Variants in AIG1 observed in about 807,000 individuals in gnomAD.
AIG1 encodes androgen induced 1, also known as androgen-induced gene 1 protein.
In AIG1, 23 loss-of-function variants were observed where a neutral mutation model predicts 31.4. That is an observed-to-expected ratio of 0.73 (90% CI 0.53 to 1.04). The LOEUF (loss-of-function observed/expected upper bound fraction) is 1.04. Among genes scored for constraint, AIG1 ranks in the 50% least tolerant of loss-of-function variants. The pLI, the probability that AIG1 is intolerant of heterozygous loss-of-function variation, is 0.00. For synonymous variants in AIG1, 100 were observed against 110.5 expected (o/e 0.90, Z 0.60); for missense variants, 274 against 295.0 (o/e 0.93, Z 0.52).
At position 143,268,556 on chromosome 6, in the gene AIG1, TA is replaced by T. The variant is rs1360221021; in HGVS notation, c.400-15553del. ...CAGGGGCTGACTATAGCACCAAAAT[TA>T]GGTGGTGGTAAGGAATTTAATCATG... On this transcript the variant is annotated intron_variant, in intron 3 of 5. Transcript: ENST00000357847. This position sits in a 1 kb window ranked among gnomAD's most constrained non-coding sequence, Gnocchi z 5.0. Among the ~76,000 whole-genome samples the T allele has an allele frequency of 1.3e-5, 2 of 152,172 alleles. No individual in the cohort carries two copies. Among genetic ancestry groups the T allele is most frequent in the African/African-American group, 2.4e-5 (1 of 41,430 alleles).
At chr6:143,108,281 T>G (rs567429844) in intron 1 of AIG1, among the ~76,000 whole-genome samples, 1 of 152,306 alleles carries the variant, frequency 6.6e-6, no homozygotes, top group Admixed American at 6.5e-5. Context: ...AGAAAATTTT[T>G]CTTTAAGATT....
chr6:143,296,911 A>G (rs1460269886), intron 4 of AIG1, among the ~76,000 whole-genome samples: 1 of 152,166 alleles, frequency 6.6e-6, no homozygotes, highest in African/African-American at 2.4e-5. Flanking sequence ...ACTGGTGACA[A>G]AGTTCATTAA....
At chr6:143,339,328 A>G in intron 5 of AIG1, 1 of 200,776 alleles carries the variant, frequency 5.0e-6, no homozygotes, top group Non-Finnish European at 1.0e-5. Flanking sequence ...ATTTCCATGC[A>G]AACTCAGCAA....
At chr6:143,295,063 G>A (rs894182412) in intron 4 of AIG1, among the ~76,000 whole-genome samples, 4 of 152,074 alleles carry the variant, frequency 2.6e-5, no homozygotes, top group African/African-American at 4.8e-5. Context: ...CCAGATGTCT[G>A]CATCCCACCC....
At chr6:143,151,773 CA>C (rs1275900929) in intron 2 of AIG1, among the ~76,000 whole-genome samples, 1 of 152,096 alleles carries the variant, frequency 6.6e-6, no homozygotes, top group Non-Finnish European at 1.5e-5. Context: ...TCAGATTGTC[CA>C]CACTCTCCCT....
chr6:143,327,532 T>C lies in AIG1; in HGVS notation c.516-5750T>C, dbSNP rs1028213841. The C allele has an allele frequency of 2.6e-6, 1 of 384,090 alleles. No individual in the cohort carries two copies. Among genetic ancestry groups the C allele is most frequent in the African/African-American group, 2.1e-5 (1 of 46,660 alleles). The allele number at this position is 384,090 out of a possible 1,614,324, so 23.8% of individuals were successfully genotyped here. On this transcript the variant is annotated intron_variant, in intron 4 of 5. Coordinates refer to ENST00000357847, the MANE Select transcript of AIG1 (RefSeq NM_016108.4). This position sits in a 1 kb window ranked among gnomAD's most constrained non-coding sequence, Gnocchi z 5.3. ...TAAGGAATGTCCCATACTGTAACCA[T>C]GTGTGGTTGTCCAGAAAATATTCTG...
intron 3 of AIG1, chr6:143,190,297 T>G: frequency 7.1e-6 from 7 of 985,446 alleles, no homozygotes; most frequent in Non-Finnish European, 8.4e-6. Context: ...AGAAACAGAA[T>G]AAAAAGACAA....
chr6:143,213,288 A>G (rs907490726), intron 3 of AIG1, among the ~76,000 whole-genome samples: 4 of 152,294 alleles, frequency 2.6e-5, no homozygotes, highest in East Asian at 3.9e-4. Context: ...TGCTGGATAT[A>G]TAAAGATAAA....
intron 3 of AIG1, among the ~76,000 whole-genome samples, chr6:143,211,757 G>A (rs1226879329): frequency 2.0e-5 from 3 of 152,048 alleles, no homozygotes; most frequent in Non-Finnish European, 4.4e-5. Context: ...GCTGGATGTG[G>A]TGGCACACGC....
chr6:143,342,921 G>T (rs1348236006), downstream of AIG1: 9 of 904,948 alleles, frequency 9.9e-6, no homozygotes, highest in African/African-American at 1.6e-5. Context: ...CAGCAAATAT[G>T]TATGTTTTGT....
intron 3 of AIG1, among the ~76,000 whole-genome samples, chr6:143,244,549 G>A (rs1794476660): frequency 6.6e-6 from 1 of 152,192 alleles, no homozygotes; most frequent in Non-Finnish European, 1.5e-5. Context: ...ATGGGTATGG[G>A]CTTTAATAAT....
intron 1 of AIG1, among the ~76,000 whole-genome samples, chr6:143,109,516 A>G (rs758891126): frequency 5.3e-5 from 8 of 152,162 alleles, no homozygotes; most frequent in Non-Finnish European, 1.2e-4. Context: ...GTCCTCACCA[A>G]TGCTTTGTAG....
At chr6:143,336,410 C>T (rs1351069489) in intron 5 of AIG1, among the ~76,000 whole-genome samples, 1 of 152,180 alleles carries the variant, frequency 6.6e-6, no homozygotes, top group Non-Finnish European at 1.5e-5. Context: ...CCCTCCAGAA[C>T]AGGTGATGGC....
At chr6:143,133,927 A>G (rs1312609165) in intron 1 of AIG1, among the ~76,000 whole-genome samples, 1 of 152,078 alleles carries the variant, frequency 6.6e-6, no homozygotes, top group East Asian at 1.9e-4. Context: ...TCCTCTGCCT[A>G]TAAACAAAAA....
intron 3 of AIG1, among the ~76,000 whole-genome samples, chr6:143,170,384 A>G (rs1787377254): frequency 6.6e-6 from 1 of 152,056 alleles, no homozygotes; most frequent in Non-Finnish European, 1.5e-5. Flanking sequence ...ACAGTTGTTC[A>G]TAATAATCTG....
At chr6:143,337,235 A>G (rs530619635) in intron 5 of AIG1, among the ~76,000 whole-genome samples, 59 of 152,322 alleles carry the variant, frequency 3.9e-4, no homozygotes, top group Non-Finnish European at 7.2e-4. Flanking sequence ...TTCTGCTGGT[A>G]TAAAATTCTC....
intron 4 of AIG1, among the ~76,000 whole-genome samples, chr6:143,311,329 C>T (rs938717895): frequency 1.3e-5 from 2 of 151,828 alleles, no homozygotes; most frequent in African/African-American, 2.4e-5. Flanking sequence ...TCCCGAATAC[C>T]CTGACTTGAT....
rs940588444 is a variant in AIG1 at position 143,326,491 on chromosome 6, C to A, written c.516-6791C>A. On this transcript the variant is annotated intron_variant, in intron 4 of 5. Coordinates refer to ENST00000357847, the MANE Select transcript of AIG1 (RefSeq NM_016108.4). This position sits in a 1 kb window ranked among gnomAD's most constrained non-coding sequence, Gnocchi z 4.5. ...AGGCATTCTGATAAGTGCTGAGGAT[C>A]CAAGGAGAGGTAAAAATAAACAGTC... Among the ~76,000 whole-genome samples, 5 of 152,056 alleles carry A rather than the reference C, an allele frequency of 3.3e-5. No individual in the cohort carries two copies. The highest frequency in any genetic ancestry group is 1.2e-4 in the African/African-American group (5 of 41,376).
At chr6:143,124,425 G>A (rs920901454) in intron 1 of AIG1, among the ~76,000 whole-genome samples, 5 of 152,142 alleles carry the variant, frequency 3.3e-5, no homozygotes, top group African/African-American at 7.2e-5. Context: ...CCCTCCCAAC[G>A]AGGACACTAC....
Sources: allele counts gnomAD v4.1 joint callset (sites outside exome capture counted in the v4.1 genomes callset), GRCh38; gene constraint gnomAD v4.1.1; non-coding constraint Gnocchi (gnomAD v3.1); transcripts MANE v1.5; gene names NCBI Gene and HGNC (gene_info 2026-07-23, HGNC 2026-07-21).